The following CBFA2T2 variants were observed in gnomAD, a reference collection of about 807,000 sequenced individuals.
CBFA2T2 encodes CBFA2/RUNX1 partner transcriptional co-repressor 2.
CBFA2T2 carries 11 observed loss-of-function variants against 62.2 expected under a neutral mutation model. That is an observed-to-expected ratio of 0.18 (90% confidence interval 0.11 to 0.29). The LOEUF is 0.29. Ranked by LOEUF, CBFA2T2 falls within the 10% of genes least tolerant of loss-of-function variation. The probability of loss-of-function intolerance (pLI) is 1.00; values close to 1 mark genes in which losing one functional copy is unlikely to be tolerated. For synonymous variants in CBFA2T2, 295 were observed against 287.5 expected (o/e 1.03, Z -0.27); for missense variants, 592 against 774.1 (o/e 0.76, Z 2.79).
chr20:33,628,538 A>T, intron 7 of CBFA2T2, 103 bp downstream of exon 7: 1 of 760,084 alleles, frequency 1.3e-6, no homozygotes, highest in South Asian at 1.6e-5. Context: ...GTATGATCTC[A>T]GTTCACTGCA....
chr20:33,554,866 T>G (rs2012851391), intron 1 of CBFA2T2, among the ~76,000 whole-genome samples: 1 of 152,150 alleles, frequency 6.6e-6, no homozygotes, highest in Admixed American at 6.5e-5. Context: ...TAATTTAGAT[T>G]GAATGTCAGA....
rs143080667 is a variant in CBFA2T2, at chr20:33,520,970, TCACACACA to T, written c.34+30692_34+30699del. On this transcript the variant is annotated intron_variant, in intron 1 of 10. Coordinates refer to ENST00000342704, the MANE Select transcript of CBFA2T2 (RefSeq NM_001032999.3). ...CACACACACACACTTTCACCTGCCATCACACACACACACACACACACACACACACAATT... is the reference window on the plus strand; with the variant it reads ...CACACACACACACTTTCACCTGCCATCACACACACACACACACACACAATT... 6.9e-3 allele frequency among the ~76,000 whole-genome samples: 941 copies of T among 137,104 alleles called. 5 individuals carry two copies. The highest frequency in any genetic ancestry group is 0.029 in the Middle Eastern group (8 of 274). The allele number at this position is 137,104 out of a possible 152,430, so 89.9% of individuals were successfully genotyped here.
Position 33,629,804 on chromosome 20 carries a change from A to C in CBFA2T2, c.1118A>C (p.Glu373Ala), listed in dbSNP as rs1274896672. The part of the protein sequence containing the change: ...LRRCQESDRE[E>A]LNYWKRRYNE... ...CGCTGTCAGGAATCAGATCGTGAAG[A>C]ACTCAACTACTGGAAAAGACGGTAC... Residue 373 changes from glutamate to alanine, a missense_variant, in exon 8 of 11, where the codon GAA becomes GCA. Around this residue, in one of 3 missense-constraint regions of CBFA2T2, gnomAD observed 449 missense variants for 551.2 expected, o/e 0.81. Transcript: ENST00000342704. 12 of 1,614,032 alleles carry C rather than the reference A, an allele frequency of 7.4e-6. No individual in the cohort carries two copies. The highest frequency in any genetic ancestry group is 1.0e-5 in the Non-Finnish European group (12 of 1,180,042).
chr20:33,629,596 C>T, intron 7 of CBFA2T2, 123 bp from the exon 8 acceptor site: 1 of 885,062 alleles, frequency 1.1e-6, no homozygotes, highest in South Asian at 1.8e-5. Context: ...TAAATGTAAA[C>T]TTGATATTCC....
At chr20:33,613,563 C>T in intron 3 of CBFA2T2, among the ~76,000 whole-genome samples, 1 of 152,216 alleles carries the variant, frequency 6.6e-6, no homozygotes, top group East Asian at 1.9e-4. Context: ...ATTACAGACT[C>T]AATGCCAAGG....
intron 1 of CBFA2T2, among the ~76,000 whole-genome samples, chr20:33,507,312 T>C (rs760673159): frequency 1.3e-5 from 2 of 152,174 alleles, no homozygotes; most frequent in African/African-American, 2.4e-5. Flanking sequence ...ATAGCTTCAG[T>C]ACCAAATGCT....
At chr20:33,617,546 G>A (rs974966038) in intron 3 of CBFA2T2, among the ~76,000 whole-genome samples, 1 of 152,074 alleles carries the variant, frequency 6.6e-6, no homozygotes, top group Non-Finnish European at 1.5e-5. Context: ...CTTTCCCCTT[G>A]TCTACCCACA....
At chr20:33,579,100 T>G (rs6057867) in intron 1 of CBFA2T2, among the ~76,000 whole-genome samples, 27 of 149,426 alleles carry the variant, frequency 1.8e-4, no homozygotes, top group African/African-American at 3.2e-4. Context: ...TTGGTTTTTT[T>G]GGGGGTTTTT....
At chr20:33,615,028 T>G (rs997961660) in intron 3 of CBFA2T2, among the ~76,000 whole-genome samples, 1 of 152,208 alleles carries the variant, frequency 6.6e-6, no homozygotes, top group African/African-American at 2.4e-5. Context: ...GTGGAAACAC[T>G]GCACGCAACA....
At chr20:33,502,671 G>A (rs891001492) in intron 1 of CBFA2T2, among the ~76,000 whole-genome samples, 15 of 151,204 alleles carry the variant, frequency 9.9e-5, no homozygotes, top group Admixed American at 3.3e-4. Flanking sequence ...CCAAAGTGCT[G>A]GGATTACAGG....
rs1475310231 is a variant in CBFA2T2, at chr20:33,644,421, C to T, written c.1563C>T (p.Phe521=). The T allele has an allele frequency of 1.9e-6, 3 of 1,614,266 alleles. No homozygotes were observed. The highest frequency in any genetic ancestry group is 1.7e-5 in the Admixed American group (1 of 60,020). ...GCNIARYCGS[F]CQHKDWERHH... is the part of the protein sequence containing the mutation. ...ATATCGCGCGATACTGTGGCTCTTTCTGCCAGCACAAGGACTGGGAGCGGC... is the reference window on the plus strand; with the variant it reads ...ATATCGCGCGATACTGTGGCTCTTTTTGCCAGCACAAGGACTGGGAGCGGC... The change falls in exon 11 of 11, where the codon TTC becomes TTT. Residue 521 remains phenylalanine, a synonymous_variant. Transcript: ENST00000342704.
At chr20:33,643,270 C>T (rs1356373998) in intron 10 of CBFA2T2, among the ~76,000 whole-genome samples, 1 of 152,088 alleles carries the variant, frequency 6.6e-6, no homozygotes, top group African/African-American at 2.4e-5. Context: ...CAGCTCCTAT[C>T]CTATTGGTCT....
At chr20:33,550,699 T>C (rs2146884625) in intron 1 of CBFA2T2, among the ~76,000 whole-genome samples, 1 of 152,190 alleles carries the variant, frequency 6.6e-6, no homozygotes, top group African/African-American at 2.4e-5. Context: ...GTTAGCTCGC[T>C]GCAACCTCCG....
intron 1 of CBFA2T2, among the ~76,000 whole-genome samples, chr20:33,568,663 A>G (rs1418560274): frequency 2.6e-5 from 4 of 151,968 alleles, no homozygotes; most frequent in African/African-American, 4.8e-5. Flanking sequence ...TTTCTAGCTC[A>G]TTGTTTCTGT....
At chr20:33,588,941 CAAAAAT>C (rs577294154) in intron 1 of CBFA2T2, among the ~76,000 whole-genome samples, 25 of 150,804 alleles carry the variant, frequency 1.7e-4, no homozygotes, top group Admixed American at 8.6e-4. Context: ...GACTTCCCCT[CAAAAAT>C]AAAAATAAAA....
chr20:33,569,342 CTG>C lies in CBFA2T2; in HGVS notation c.35-37610_35-37609del, dbSNP rs1201774287. Among the ~76,000 whole-genome samples the C allele has an allele frequency of 3.3e-5, 5 of 152,258 alleles. No homozygotes were observed. In the East Asian group the frequency reaches 5.8e-4, roughly 18 times the overall value. ...TTTGCATTATTTTGTTGTTTGTTCT[CTG>C]TGTTTACACAAATAATTGTTCTAGT... On this transcript the variant is annotated intron_variant, in intron 1 of 10. Coordinates refer to ENST00000342704, the MANE Select transcript of CBFA2T2 (RefSeq NM_001032999.3).
At chr20:33,551,563 C>G (rs902821301) in intron 1 of CBFA2T2, among the ~76,000 whole-genome samples, 1 of 151,552 alleles carries the variant, frequency 6.6e-6, no homozygotes, top group African/African-American at 2.4e-5. Flanking sequence ...TTGATTCTCT[C>G]TCTGTCACCC....
At chr20:33,579,193 T>C (rs12481332) in intron 1 of CBFA2T2, among the ~76,000 whole-genome samples, 1,604 of 149,714 alleles carry the variant, frequency 0.011, 23 homozygotes, top group Non-Finnish European at 0.013. Flanking sequence ...TAAACCACCA[T>C]GCCTGGTCTA....
At chr20:33,544,790 C>T (rs994433737) in intron 1 of CBFA2T2, among the ~76,000 whole-genome samples, 4 of 152,140 alleles carry the variant, frequency 2.6e-5, no homozygotes, top group Non-Finnish European at 5.9e-5. Context: ...CATGATCCCC[C>T]CGCCTCAGCC....
Sources: gnomAD v4.1 joint callset for allele counts (sites outside exome capture counted in the v4.1 genomes callset) on GRCh38, gnomAD v4.1.1 for gene constraint, gnomAD v4.1.1 regional missense constraint, MANE v1.5 for transcripts, NCBI Gene and HGNC (gene_info 2026-07-23, HGNC 2026-07-21) for gene names.